The following ENTPD5 variants were observed in gnomAD, a reference collection of about 807,000 sequenced individuals.
The protein encoded by ENTPD5 is ectonucleoside triphosphate diphosphohydrolase 5 (inactive).
ENTPD5 carries 49 observed loss-of-function variants against 60.2 expected under a neutral mutation model. The observed-to-expected ratio is 0.81, with a 90% CI of 0.65 to 1.03. The LOEUF is 1.03. ENTPD5 is among the 50% of genes least tolerant of loss of function. The pLI is 0.00. For synonymous variants in ENTPD5, 187 were observed against 185.4 expected, an observed-to-expected ratio of 1.01 and a Z score of -0.07; for missense variants, 480 against 507.6, an observed-to-expected ratio of 0.95 and a Z score of 0.52.
chr14:73,991,301 T>A (rs1207462902), intron 3 of ENTPD5, among the ~76,000 whole-genome samples: 1 of 152,054 alleles, frequency 6.6e-6, no homozygotes, highest in Non-Finnish European at 1.5e-5. Flanking sequence ...CTGTTTACAT[T>A]TAGGGGCCAG....
downstream of ENTPD5, chr14:73,958,940 G>A: frequency 6.2e-7 from 1 of 1,612,692 alleles, no homozygotes; most frequent in Non-Finnish European, 8.5e-7. Context: ...GAAGAGGCTG[G>A]AAGACTTAGC....
At chr14:73,974,642 G>A (rs758240) in intron 11 of ENTPD5, among the ~76,000 whole-genome samples, 2 of 151,928 alleles carry the variant, frequency 1.3e-5, no homozygotes, top group Admixed American at 6.6e-5. Flanking sequence ...GAATGTATTC[G>A]TAAAGCCTGG....
chr14:74,014,211 ATC>A (rs2140879316), intron 2 of ENTPD5, among the ~76,000 whole-genome samples: 1 of 152,294 alleles, frequency 6.6e-6, no homozygotes, highest in Admixed American at 6.5e-5. Context: ...AAGTAGGAGG[ATC>A]TCTTGAGCTC....
At position 73,963,632 on chromosome 14, in the gene ENTPD5, G is replaced by A. The variant is rs954980021; in HGVS notation, c.*3296C>T. ...TCATTGCACAGATCCGAAGACCTCA[G>A]GAACCAGATCACAAGGGAAACCGAT... On this transcript the variant is annotated 3_prime_UTR_variant, in exon 16 of 16. Transcript: ENST00000334696. 3 of 152,846 alleles carry A rather than the reference G, an allele frequency of 2.0e-5. No individual in the cohort carries two copies. The highest frequency in any genetic ancestry group is 2.1e-4 in the South Asian group (1 of 4,846). The allele number at this position is 152,846 out of a possible 1,614,324, so 9.5% of individuals were successfully genotyped here. A position where few individuals can be genotyped will look rare whatever the true frequency, so the allele number is the denominator to read the frequency against.
At chr14:74,018,959 G>C (rs2140911375) in intron 1 of ENTPD5, 1 of 154,192 alleles carries the variant, frequency 6.5e-6, no homozygotes, top group African/African-American at 2.4e-5. Context: ...AGCGGAGCGG[G>C]GGCGAGGGCA....
chr14:73,975,821 A>G, intron 10 of ENTPD5, 115 bp downstream of exon 10: 5 of 856,050 alleles, frequency 5.8e-6, no homozygotes, highest in South Asian at 1.7e-5. Context: ...GCCTTAGGGA[A>G]TTGGCACAGA....
At chr14:74,001,740 C>T (rs2058519079) in intron 3 of ENTPD5, among the ~76,000 whole-genome samples, 1 of 136,640 alleles carries the variant, frequency 7.3e-6, no homozygotes, top group African/African-American at 2.7e-5. Flanking sequence ...CTCAACTATT[C>T]AGGAGGCTGA....
chr14:73,994,498 GC>G (rs1177776155), intron 3 of ENTPD5, among the ~76,000 whole-genome samples: 1 of 151,784 alleles, frequency 6.6e-6, no homozygotes, highest in East Asian at 2.0e-4. Flanking sequence ...ACTTTGGGAG[GC>G]CGAGGTGGGT....
At chr14:73,961,232 T>C (rs751291945), downstream of ENTPD5, 4 of 1,614,164 alleles carry the variant, frequency 2.5e-6, no homozygotes, top group Admixed American at 5.0e-5. Flanking sequence ...TGCAGTATGC[T>C]GTCAGCCTTC....
intron 1 of ENTPD5, among the ~76,000 whole-genome samples, chr14:74,017,327 AG>A (rs1444783278): frequency 0.12 from 5,237 of 42,052 alleles, 328 homozygotes; most frequent in African/African-American, 0.39. Flanking sequence ...TCAAAAAAAA[AG>A]AAAAGAAAAA....
intron 3 of ENTPD5, among the ~76,000 whole-genome samples, chr14:73,990,795 G>A (rs926119409): frequency 2.6e-5 from 4 of 151,480 alleles, no homozygotes; most frequent in East Asian, 2.0e-4. Flanking sequence ...TTGGGAGGCC[G>A]AGGCAGGTGG....
At chr14:73,962,698 C>T, downstream of ENTPD5, 1 of 398,222 alleles carries the variant, frequency 2.5e-6, no homozygotes, top group Non-Finnish European at 4.3e-6. Context: ...ACCTGTAATC[C>T]CAGCACTTTA....
At position 73,977,234 on chromosome 14, in the gene ENTPD5, TTTAG is replaced by T. The variant is rs1043503020; in HGVS notation, c.517+61_517+64del. On this transcript the variant is annotated intron_variant, in intron 7 of 15. Transcript: ENST00000334696. ...TCTGTTTATTCCTGGCCCCAGTTCC[TTTAG>T]TTAGATCTTTCACTGATCCTGCCCC... 5.6e-5 allele frequency: 78 copies of T among 1,392,262 alleles called. No individual in the cohort carries two copies. In the African/African-American group the frequency reaches 6.9e-4, roughly 12 times the overall value. The allele number at this position is 1,392,262 out of a possible 1,614,324, so 86.2% of individuals were successfully genotyped here.
chr14:73,968,294 C>T (rs1172013143), intron 15 of ENTPD5, among the ~76,000 whole-genome samples: 1 of 152,082 alleles, frequency 6.6e-6, no homozygotes, highest in African/African-American at 2.4e-5. Flanking sequence ...TTGTTTTCTT[C>T]AGAATTTTAG....
chr14:73,963,381 A>G lies in ENTPD5; in HGVS notation c.*3547T>C. 3.0e-6 allele frequency: 1 copy of G among 334,926 alleles called. No individual in the cohort carries two copies. The highest frequency in any genetic ancestry group is 5.4e-6 in the Non-Finnish European group (1 of 185,374). The allele number at this position is 334,926 out of a possible 1,614,324, so 20.7% of individuals were successfully genotyped here. A position where few individuals can be genotyped will look rare whatever the true frequency, so the allele number is the denominator to read the frequency against. ...ACAGTTGTTTTTTGATAGAGGTAAG[A>G]ATTAGACTCGATGCATTTTTGTTAG... On this transcript the variant is annotated 3_prime_UTR_variant, in exon 16 of 16. Coordinates refer to ENST00000334696, the MANE Select transcript of ENTPD5 (RefSeq NM_001249.5).
At chr14:73,959,024 T>G, downstream of ENTPD5, 1 of 1,614,194 alleles carries the variant, frequency 6.2e-7, no homozygotes, top group Non-Finnish European at 8.5e-7. Context: ...GAATCCAGAA[T>G]GTGAGCTGGA....
intron 6 of ENTPD5, among the ~76,000 whole-genome samples, chr14:73,978,150 C>T (rs1279786137): frequency 6.6e-6 from 1 of 152,178 alleles, no homozygotes; most frequent in Non-Finnish European, 1.5e-5. Flanking sequence ...TATAAACAAA[C>T]TTTTAAAGAC....
chr14:74,011,656 G>A (rs548945983), intron 2 of ENTPD5, among the ~76,000 whole-genome samples: 1 of 152,162 alleles, frequency 6.6e-6, no homozygotes, highest in Non-Finnish European at 1.5e-5. Context: ...AAATTAGCCA[G>A]GTGTGGTGGC....
At chr14:73,961,320 C>A, downstream of ENTPD5, 1 of 1,614,186 alleles carries the variant, frequency 6.2e-7, no homozygotes, top group Non-Finnish European at 8.5e-7. Flanking sequence ...AGTTCTGTTT[C>A]CTCTTGGGTT....
Sources: gnomAD v4.1 joint callset for allele counts (sites outside exome capture counted in the v4.1 genomes callset) on GRCh38, gnomAD v4.1.1 for gene constraint, MANE v1.5 for transcripts, NCBI Gene and HGNC (gene_info 2026-07-23, HGNC 2026-07-21) for gene names.